The following ARSG variants were observed in gnomAD, a reference collection of about 807,000 sequenced individuals.
ARSG encodes arylsulfatase G.
In ARSG, 37 loss-of-function variants were observed where a neutral mutation model predicts 50.5. That is an observed-to-expected ratio of 0.73 (90% CI 0.56 to 0.96). The LOEUF is 0.96. Among genes scored for constraint, ARSG ranks in the 50% least tolerant of loss-of-function variants. The pLI is 0.00. For synonymous variants in ARSG, 225 were observed against 254.6 expected (o/e 0.88, Z 1.11); for missense variants, 629 against 675.3 (o/e 0.93, Z 0.76).
intron 2 of ARSG, among the ~76,000 whole-genome samples, chr17:68,327,634 CATCTT>C (rs1555772928): frequency 1.3e-5 from 2 of 152,190 alleles, no homozygotes; most frequent in South Asian, 2.1e-4. Context: ...GGTATAATCT[CATCTT>C]AACTTAAAAT....
At chr17:68,359,039 TG>T (rs1354932415) in intron 6 of ARSG, among the ~76,000 whole-genome samples, 3 of 151,894 alleles carry the variant, frequency 2.0e-5, no homozygotes, top group African/African-American at 7.3e-5. Flanking sequence ...GGCGGACGCC[TG>T]TAGTCCCAGC....
intron 4 of ARSG, among the ~76,000 whole-genome samples, chr17:68,350,786 A>AAAAAT (rs139213419): frequency 1.5e-4 from 22 of 150,382 alleles, no homozygotes; most frequent in African/African-American, 3.7e-4. Flanking sequence ...CTCCGTCTCA[A>AAAAAT]AAAATAAAAT....
intron 2 of ARSG, among the ~76,000 whole-genome samples, chr17:68,314,412 G>T (rs957570416): frequency 5.9e-5 from 9 of 152,012 alleles, no homozygotes; most frequent in Middle Eastern, 3.4e-3. Context: ...TGTAATCCCA[G>T]CTACTCGGGA....
intron 2 of ARSG, among the ~76,000 whole-genome samples, chr17:68,329,484 G>A (rs1485060385): frequency 6.6e-6 from 1 of 152,216 alleles, no homozygotes; most frequent in Non-Finnish European, 1.5e-5. Flanking sequence ...GTAACAGACA[G>A]AGCCCACATT....
At chr17:68,304,632 G>T (rs1248816179) in intron 1 of ARSG, among the ~76,000 whole-genome samples, 1 of 152,142 alleles carries the variant, frequency 6.6e-6, no homozygotes, top group African/African-American at 2.4e-5. Context: ...TTACACAGTG[G>T]TTCTCCTTTA....
downstream of ARSG, chr17:68,421,983 C>A: frequency 1.3e-6 from 1 of 754,752 alleles, no homozygotes; most frequent in Admixed American, 2.1e-5. Flanking sequence ...GGTCACCCAG[C>A]TTATTTAGGT....
intron 5 of ARSG, among the ~76,000 whole-genome samples, chr17:68,354,887 T>C (rs914517649): frequency 2.6e-5 from 4 of 152,074 alleles, no homozygotes; most frequent in African/African-American, 9.7e-5. Flanking sequence ...AAAACAAAAA[T>C]TGTGGTTTTT....
chr17:68,306,229 C>T (rs1555763982), intron 1 of ARSG, among the ~76,000 whole-genome samples: 1 of 151,888 alleles, frequency 6.6e-6, no homozygotes, highest in East Asian at 2.0e-4. Flanking sequence ...CTCAAACTCC[C>T]AACCTCAGGT....
chr17:68,368,197 G>A (rs1011984804), intron 6 of ARSG, among the ~76,000 whole-genome samples: 5 of 152,136 alleles, frequency 3.3e-5, no homozygotes, highest in African/African-American at 9.7e-5. Flanking sequence ...AGCAAGATTC[G>A]GACATGTAAC....
At chr17:68,443,120 T>G in the ARSG span, among the ~76,000 whole-genome samples, 1 of 152,192 alleles carries the variant, frequency 6.6e-6, no homozygotes, top group African/African-American at 2.4e-5. Flanking sequence ...AATTTATTCA[T>G]TGTTTTTTGA....
intron 1 of ARSG, among the ~76,000 whole-genome samples, chr17:68,296,972 T>A (rs567802670): frequency 3.9e-5 from 6 of 152,366 alleles, no homozygotes; most frequent in African/African-American, 1.4e-4. Context: ...CAGGCTGGGC[T>A]GTTGATGTTC....
chr17:68,356,585 T>C, intron 5 of ARSG, 82 bp from the exon 6 acceptor site: 1 of 1,496,630 alleles, frequency 6.7e-7, no homozygotes. Context: ...TATGTGCATA[T>C]GCATTGTTGC....
At chr17:68,323,132 A>G (rs2077362083) in intron 2 of ARSG, among the ~76,000 whole-genome samples, 1 of 152,078 alleles carries the variant, frequency 6.6e-6, no homozygotes, top group Non-Finnish European at 1.5e-5. Flanking sequence ...TGGAGTGAAC[A>G]GATTTCGAAT....
At chr17:68,407,710 C>T (rs553590060) in intron 11 of ARSG, among the ~76,000 whole-genome samples, 9 of 151,756 alleles carry the variant, frequency 5.9e-5, no homozygotes, top group Non-Finnish European at 1.2e-4. Context: ...AATCTTGTTT[C>T]TAGAAACTTA....
chr17:68,259,710 C>G (rs564367982), intron 1 of ARSG, among the ~76,000 whole-genome samples: 1 of 152,280 alleles, frequency 6.6e-6, no homozygotes, highest in South Asian at 2.1e-4. Flanking sequence ...TTTGTACCAT[C>G]TTCAAATTCC....
chr17:68,424,288 T>A (rs917890975), downstream of ARSG, among the ~76,000 whole-genome samples: 2 of 152,190 alleles, frequency 1.3e-5, no homozygotes, highest in African/African-American at 4.8e-5. Flanking sequence ...AAGCTCACGC[T>A]GCGACCGACC....
chr17:68,300,614 G>A (rs548264352), intron 1 of ARSG, among the ~76,000 whole-genome samples: 20 of 152,200 alleles, frequency 1.3e-4, no homozygotes, highest in African/African-American at 4.3e-4. Context: ...ATCTGTGAGC[G>A]AGGACACAGA....
chr17:68,417,479 G>A (rs1384240250), intron 11 of ARSG, among the ~76,000 whole-genome samples: 2 of 152,036 alleles, frequency 1.3e-5, no homozygotes, highest in Non-Finnish European at 2.9e-5. Flanking sequence ...GCGGTGGGGG[G>A]TGGCGCTTGA....
chr17:68,353,650 A>G (rs376428064), intron 5 of ARSG, among the ~76,000 whole-genome samples: 6 of 152,342 alleles, frequency 3.9e-5, no homozygotes, highest in African/African-American at 1.4e-4. Context: ...ACCTGGCCAT[A>G]TGAAGGTATG....
Sources: allele counts gnomAD v4.1 joint callset (sites outside exome capture counted in the v4.1 genomes callset), GRCh38; gene constraint gnomAD v4.1.1; transcripts MANE v1.5; gene names NCBI Gene and HGNC (gene_info 2026-07-23, HGNC 2026-07-21).